ERCC8: variants seen among roughly 807,000 people sequenced by gnomAD.
ERCC8 encodes DNA excision repair protein ERCC-8.
A neutral mutation model predicts 54.9 loss-of-function variants in ERCC8; 52 were observed. That is an observed-to-expected ratio of 0.95 (90% CI 0.76 to 1.19). ERCC8 has a LOEUF of 1.19. ERCC8 is among the 50% of genes most tolerant of loss of function. The pLI is 0.00. For synonymous variants in ERCC8, 146 were observed against 157.2 expected, an observed-to-expected ratio of 0.93 and a Z score of 0.53; for missense variants, 514 against 466.1, an observed-to-expected ratio of 1.10 and a Z score of -0.95.
intron 1 of ERCC8, among the ~76,000 whole-genome samples, chr5:60,943,875 C>CA (rs200096138): frequency 5.1e-4 from 77 of 151,148 alleles, no homozygotes; most frequent in East Asian, 9.7e-4. Flanking sequence ...GTGACACTGG[C>CA]AAAAAAAACA....
chr5:60,942,821 T>C (rs970945349), intron 1 of ERCC8, among the ~76,000 whole-genome samples: 1 of 152,188 alleles, frequency 6.6e-6, no homozygotes, highest in Non-Finnish European at 1.5e-5. Context: ...AGTTGTAAAA[T>C]GTTTTTTTAG....
intron 11 of ERCC8, 35 bp downstream of exon 11, chr5:60,887,405 G>T (rs775757701): frequency 1.9e-5 from 28 of 1,470,004 alleles, no homozygotes; most frequent in Non-Finnish European, 2.6e-5. Context: ...TTAAGCTTTA[G>T]AAGTCACTGT....
intron 4 of ERCC8, among the ~76,000 whole-genome samples, chr5:60,912,854 C>A (rs183962123): frequency 7.2e-5 from 11 of 151,902 alleles, no homozygotes; most frequent in Admixed American, 3.3e-4. Context: ...GATAATCATG[C>A]GGTTTTTGTC....
chr5:60,882,792 A>C (rs1748277299), intron 11 of ERCC8, among the ~76,000 whole-genome samples: 2 of 152,124 alleles, frequency 1.3e-5, no homozygotes, highest in African/African-American at 4.8e-5. Context: ...TCTTTCATCC[A>C]AATGTTTACT....
chr5:60,870,529 G>GTGGGCACC lies in ERCC8; in HGVS notation c.*4078_*4085dup, dbSNP rs1267370879. Among the ~76,000 whole-genome samples the GTGGGCACC allele has an allele frequency of 6.7e-6, 1 of 150,338 alleles. No homozygotes were observed. Among genetic ancestry groups the GTGGGCACC allele is most frequent in the Non-Finnish European group, 1.5e-5 (1 of 67,654 alleles). ...AAAAAAAAATTAGCCAGGCGTGGTG[G>GTGGGCACC]TGGGCACCTGTAATCCCAGCTGCTT... is the stretch of plus-strand genomic sequence containing the variant. On this transcript the variant is annotated 3_prime_UTR_variant, in exon 12 of 12. Coordinates refer to ENST00000676185, the MANE Select transcript of ERCC8 (RefSeq NM_000082.4).
At chr5:60,944,658 G>C (rs1206575891) in intron 1 of ERCC8, among the ~76,000 whole-genome samples, 2 of 151,826 alleles carry the variant, frequency 1.3e-5, no homozygotes, top group Non-Finnish European at 2.9e-5. Context: ...GTACAACGAA[G>C]TATTCTTATT....
At chr5:60,878,330 C>T (rs543665493) in intron 11 of ERCC8, among the ~76,000 whole-genome samples, 6 of 152,218 alleles carry the variant, frequency 3.9e-5, no homozygotes, top group East Asian at 1.9e-4. Context: ...GTGTAAAATT[C>T]TCTTTTTTTG....
chr5:60,877,790 C>T (rs1022254042), intron 11 of ERCC8, among the ~76,000 whole-genome samples: 1 of 152,172 alleles, frequency 6.6e-6, no homozygotes, highest in Non-Finnish European at 1.5e-5. Context: ...ATGGGGTTTT[C>T]TAGATATACA....
At chr5:60,923,349 T>A (rs1036726896) in intron 2 of ERCC8, among the ~76,000 whole-genome samples, 1 of 152,146 alleles carries the variant, frequency 6.6e-6, no homozygotes, top group South Asian at 2.1e-4. Context: ...ATCAGTTTCT[T>A]AACCATATTT....
intron 2 of ERCC8, among the ~76,000 whole-genome samples, chr5:60,924,705 T>C (rs1177585845): frequency 6.6e-6 from 1 of 152,156 alleles, no homozygotes; most frequent in Non-Finnish European, 1.5e-5. Context: ...CTATGTTCTA[T>C]ATATACACCT....
chr5:60,904,755 T>A (rs780302746), intron 5 of ERCC8, 37 bp downstream of exon 5: 1 of 1,334,072 alleles, frequency 7.5e-7, no homozygotes, highest in East Asian at 2.4e-5. Flanking sequence ...GAGAAAGTTT[T>A]CAGTATGTCA....
chr5:60,895,291 T>C (rs1318945597), intron 9 of ERCC8, among the ~76,000 whole-genome samples: 1 of 151,828 alleles, frequency 6.6e-6, no homozygotes, highest in Non-Finnish European at 1.5e-5. Context: ...TACATGCTAA[T>C]AATCTATGGA....
chr5:60,920,264 G>A (rs771313714), intron 3 of ERCC8, among the ~76,000 whole-genome samples: 1 of 151,772 alleles, frequency 6.6e-6, no homozygotes, highest in African/African-American at 2.4e-5. Flanking sequence ...AATAAATTTC[G>A]CTTAAGATAA....
chr5:60,919,640 C>T (rs1285418212), intron 3 of ERCC8: 2 of 151,922 alleles, frequency 1.3e-5, no homozygotes, highest in Non-Finnish European at 1.5e-5. Flanking sequence ...TCCTCTCTTA[C>T]CTTTATTATT....
intron 2 of ERCC8, among the ~76,000 whole-genome samples, chr5:60,926,258 A>G (rs900998531): frequency 5.3e-5 from 8 of 152,218 alleles, no homozygotes; most frequent in African/African-American, 1.9e-4. Flanking sequence ...TAACTCTCCA[A>G]GATAAGGAGC....
intron 2 of ERCC8, among the ~76,000 whole-genome samples, chr5:60,925,590 A>G (rs1402432353): frequency 1.3e-5 from 2 of 152,198 alleles, no homozygotes; most frequent in Non-Finnish European, 2.9e-5. Flanking sequence ...CAGGTATATC[A>G]GATGCCTTAT....
At chr5:60,931,281 G>A (rs755014243) in intron 1 of ERCC8, among the ~76,000 whole-genome samples, 17 of 152,180 alleles carry the variant, frequency 1.1e-4, no homozygotes, top group Admixed American at 3.9e-4. Flanking sequence ...TGGCTGAGCC[G>A]CATTTGAACT....
intron 11 of ERCC8, among the ~76,000 whole-genome samples, chr5:60,880,886 A>T (rs1450880930): frequency 6.6e-6 from 1 of 151,952 alleles, no homozygotes; most frequent in East Asian, 1.9e-4. Context: ...TTCTCCATCC[A>T]GTTTGTTCTG....
At chr5:60,914,101 T>C (rs890704980) in intron 4 of ERCC8, among the ~76,000 whole-genome samples, 1 of 152,162 alleles carries the variant, frequency 6.6e-6, no homozygotes, top group Non-Finnish European at 1.5e-5. Flanking sequence ...TAGATGTCTA[T>C]TAGGTCTGCT....
Sources: gnomAD v4.1 joint callset for allele counts (sites outside exome capture counted in the v4.1 genomes callset) on GRCh38, gnomAD v4.1.1 for gene constraint, MANE v1.5 for transcripts, NCBI Gene and HGNC (gene_info 2026-07-23, HGNC 2026-07-21) for gene names.